Variants in ARMC9 observed in about 807,000 individuals in gnomAD.
ARMC9 encodes armadillo repeat containing 9.
ARMC9 carries 94 observed loss-of-function variants against 107.0 expected under a neutral mutation model. The ratio of observed to expected loss-of-function variants is 0.88; its 90% CI spans 0.74 to 1.04. The LOEUF (loss-of-function observed/expected upper bound fraction) is 1.04, where lower values mean the gene tolerates loss of function less well. Ranked by LOEUF, ARMC9 falls within the 50% of genes least tolerant of loss-of-function variation. The pLI is 0.00. For synonymous variants in ARMC9, 380 were observed against 396.9 expected, an observed-to-expected ratio of 0.96 and a Z score of 0.51; for missense variants, 942 against 1,030.1, an observed-to-expected ratio of 0.91 and a Z score of 1.17.
intron 19 of ARMC9, among the ~76,000 whole-genome samples, chr2:231,316,796 T>C (rs1218225871): frequency 6.6e-6 from 1 of 152,238 alleles, no homozygotes; most frequent in African/African-American, 2.4e-5. Flanking sequence ...AGAGTCTCAC[T>C]GTGTTACCCA....
chr2:231,310,212 C>T (rs562882363), intron 19 of ARMC9, among the ~76,000 whole-genome samples: 10 of 150,874 alleles, frequency 6.6e-5, no homozygotes, highest in South Asian at 6.3e-4. Context: ...GTCGGGAGTT[C>T]GCGACCAGCC....
intron 23 of ARMC9, among the ~76,000 whole-genome samples, chr2:231,363,883 C>CA (rs1176736980): frequency 0.23 from 3,782 of 16,224 alleles, 980 homozygotes; most frequent in Non-Finnish European, 0.33. Context: ...GACTCCGTCT[C>CA]AAAAAAAAAA....
At chr2:231,350,323 G>C (rs1053801670) in intron 21 of ARMC9, among the ~76,000 whole-genome samples, 2 of 152,068 alleles carry the variant, frequency 1.3e-5, no homozygotes, top group Non-Finnish European at 2.9e-5. Flanking sequence ...ACTGTGCCTG[G>C]CCTTAAAAGT....
chr2:231,221,007 T>C (rs146693785), intron 5 of ARMC9, among the ~76,000 whole-genome samples: 60 of 152,356 alleles, frequency 3.9e-4, no homozygotes, highest in African/African-American at 1.4e-3. Flanking sequence ...CCTTGAGTTG[T>C]AGCACCTGGG....
intron 11 of ARMC9, among the ~76,000 whole-genome samples, chr2:231,261,663 G>T (rs1323869602): frequency 1.3e-5 from 2 of 152,060 alleles, no homozygotes; most frequent in African/African-American, 4.8e-5. Flanking sequence ...CATCCTGCAG[G>T]GACCAGCTCC....
At chr2:231,308,779 C>T (rs1052577459) in intron 19 of ARMC9, among the ~76,000 whole-genome samples, 4 of 152,152 alleles carry the variant, frequency 2.6e-5, no homozygotes, top group South Asian at 2.1e-4. Flanking sequence ...CCTTTCTCTT[C>T]GGCCACCTTC....
At chr2:231,276,214 C>T (rs2039734660) in intron 14 of ARMC9, among the ~76,000 whole-genome samples, 1 of 151,918 alleles carries the variant, frequency 6.6e-6, no homozygotes, top group Admixed American at 6.6e-5. Context: ...AAATATTCCT[C>T]AGAGTCTATG....
In ARMC9 at chr2:231,288,689, C is replaced by G. The variant is rs1236510328; in HGVS notation, c.1627-2664C>G. On this transcript the variant is annotated intron_variant, in intron 17 of 24. Coordinates refer to ENST00000611582, the MANE Select transcript of ARMC9 (RefSeq NM_001352754.2). ...CCTGAAGGAGTGACTGCGGTTGTGCCCATTTTGCTGCTGACAACATCAAGG... is the reference window on the plus strand; with the variant it reads ...CCTGAAGGAGTGACTGCGGTTGTGCGCATTTTGCTGCTGACAACATCAAGG... 1.5e-5 allele frequency: 7 copies of G among 471,024 alleles called. No homozygotes were observed. The Admixed American group carries it at 1.6e-4, about 11-fold the overall frequency. The allele number at this position is 471,024 out of a possible 1,614,324, so 29.2% of individuals were successfully genotyped here.
intron 19 of ARMC9, among the ~76,000 whole-genome samples, chr2:231,312,852 A>C (rs1241975250): frequency 6.6e-6 from 1 of 152,168 alleles, no homozygotes; most frequent in Non-Finnish European, 1.5e-5. Context: ...TCCTGAACAG[A>C]GTGCCTTGGG....
chr2:231,206,797 C>T lies in ARMC9; in HGVS notation c.51+508C>T, dbSNP rs138725067. 9.7e-4 allele frequency among the ~76,000 whole-genome samples: 147 copies of T among 152,250 alleles called. 2 individuals are homozygous for T. The South Asian group carries it at 9.7e-3, about 10-fold the overall frequency. On this transcript the variant is annotated intron_variant, in intron 2 of 24. Coordinates refer to ENST00000611582, the MANE Select transcript of ARMC9 (RefSeq NM_001352754.2). ...GTCTGGTAATGGCCTAGGTTTCCTA[C>T]GCTAAAAGCTTTGACAAGTAGGGCC...
At chr2:231,352,923 C>T (rs1043199495) in intron 21 of ARMC9, among the ~76,000 whole-genome samples, 3 of 139,928 alleles carry the variant, frequency 2.1e-5, no homozygotes, top group African/African-American at 3.3e-5. Context: ...AAAATTTGGC[C>T]GGGCGCCATG....
chr2:231,214,772 T>TGAGAATTTTGGGTGTTGAAATTTA, intron 3 of ARMC9, 59 bp from the exon 4 acceptor site: 1 of 1,555,728 alleles, frequency 6.4e-7, no homozygotes, highest in Non-Finnish European at 8.8e-7. Context: ...GAGTGGGTTG[T>TGAGAATTTTGGGTGTTGAAATTTA]GAGAATTTTG....
At chr2:231,267,758 C>G (rs530170795) in intron 12 of ARMC9, among the ~76,000 whole-genome samples, 46 of 152,324 alleles carry the variant, frequency 3.0e-4, no homozygotes, top group Admixed American at 9.8e-4. Context: ...GGGCTCGTTT[C>G]ACCAGTCATT....
intron 20 of ARMC9, among the ~76,000 whole-genome samples, chr2:231,341,404 C>T (rs917424612): frequency 6.6e-6 from 1 of 152,304 alleles, no homozygotes. Context: ...TGAAGCTCCA[C>T]TTGGTGACCT....
intron 9 of ARMC9, among the ~76,000 whole-genome samples, chr2:231,242,575 T>C (rs993479603): frequency 6.6e-6 from 1 of 152,020 alleles, no homozygotes; most frequent in African/African-American, 2.4e-5. Context: ...CACTGTCCAG[T>C]TAACATTCGG....
At chr2:231,278,181 G>T (rs1307456401) in intron 15 of ARMC9, among the ~76,000 whole-genome samples, 1 of 152,096 alleles carries the variant, frequency 6.6e-6, no homozygotes. Context: ...TTTGAGGTAG[G>T]TATGAATAGT....
intron 9 of ARMC9, among the ~76,000 whole-genome samples, chr2:231,243,812 C>T (rs904517104): frequency 2.6e-5 from 4 of 152,088 alleles, no homozygotes; most frequent in Admixed American, 6.5e-5. Context: ...ATATGTGTCT[C>T]GAGTTCAGAT....
chr2:231,376,449 A>G lies in ARMC9; in HGVS notation c.*4914A>G, dbSNP rs1268717584. On this transcript the variant is annotated 3_prime_UTR_variant, in exon 25 of 25. Coordinates refer to ENST00000611582, the MANE Select transcript of ARMC9 (RefSeq NM_001352754.2). ...TCCCCCGGGGGCGTGGTCGTCTCTT[A>G]TGGTCGAGGCTGCAGAGATGAAATA... Among the ~76,000 whole-genome samples the G allele has an allele frequency of 6.6e-6, 1 of 152,018 alleles. No homozygotes were observed. The highest frequency in any genetic ancestry group is 1.5e-5 in the Non-Finnish European group (1 of 68,008).
At chr2:231,313,487 T>C (rs1381802844) in intron 19 of ARMC9, among the ~76,000 whole-genome samples, 1 of 152,218 alleles carries the variant, frequency 6.6e-6, no homozygotes, top group Non-Finnish European at 1.5e-5. Context: ...AGGATATAAT[T>C]TATATACCAT....
Sources: gnomAD v4.1 joint callset for allele counts (sites outside exome capture counted in the v4.1 genomes callset) on GRCh38, gnomAD v4.1.1 for gene constraint, MANE v1.5 for transcripts, NCBI Gene and HGNC (gene_info 2026-07-23, HGNC 2026-07-21) for gene names.